Variants in TBL1XR1 observed in about 807,000 individuals in gnomAD.
TBL1XR1 encodes the protein F-box-like/WD repeat-containing protein TBL1XR1.
In TBL1XR1, 5 loss-of-function variants were observed where a neutral mutation model predicts 66.9. The observed-to-expected ratio is 0.07, with a 90% CI of 0.04 to 0.16. The LOEUF is 0.16. TBL1XR1 is among the 10% of genes least tolerant of loss of function. The probability of loss-of-function intolerance (pLI) is 1.00; values close to 1 mark genes in which losing one functional copy is unlikely to be tolerated. For synonymous variants in TBL1XR1, 210 were observed against 206.0 expected (o/e 1.02, Z -0.17); for missense variants, 238 against 623.2 (o/e 0.38, Z 6.58).
intron 1 of TBL1XR1, among the ~76,000 whole-genome samples, chr3:177,166,126 C>T (rs894753347): frequency 1.3e-5 from 2 of 152,090 alleles, no homozygotes; most frequent in Non-Finnish European, 2.9e-5. Flanking sequence ...GTGGGTCACA[C>T]CTGTAATCCC....
chr3:177,191,196 A>C (rs754688316), intron 1 of TBL1XR1, among the ~76,000 whole-genome samples: 1 of 152,224 alleles, frequency 6.6e-6, no homozygotes, highest in Non-Finnish European at 1.5e-5. Flanking sequence ...TACAAATTCA[A>C]TCCAGTTGGC....
At chr3:177,122,628 G>A (rs1038294704) in intron 1 of TBL1XR1, among the ~76,000 whole-genome samples, 2 of 152,082 alleles carry the variant, frequency 1.3e-5, no homozygotes, top group African/African-American at 2.4e-5. Flanking sequence ...TATTAAAGTC[G>A]AGTGTGAGGA....
chr3:177,056,550 G>A (rs946027180), intron 3 of TBL1XR1, among the ~76,000 whole-genome samples: 2 of 152,184 alleles, frequency 1.3e-5, no homozygotes, highest in African/African-American at 4.8e-5. Flanking sequence ...TTACCCTAGA[G>A]AAGTTCCAAA....
At chr3:177,067,027 A>G (rs1314907993) in intron 2 of TBL1XR1, among the ~76,000 whole-genome samples, 1 of 152,228 alleles carries the variant, frequency 6.6e-6, no homozygotes, top group Non-Finnish European at 1.5e-5. Flanking sequence ...GCACTGGTCT[A>G]GATGTACTAT....
At chr3:177,026,807 G>A (rs1713194091) in intron 14 of TBL1XR1, 1 of 195,588 alleles carries the variant, frequency 5.1e-6, no homozygotes, top group Admixed American at 6.1e-5. Context: ...TTTTGTTGTT[G>A]CTAAATGATA....
At chr3:177,124,424 CACT>C (rs1727358413) in intron 1 of TBL1XR1, among the ~76,000 whole-genome samples, 1 of 152,126 alleles carries the variant, frequency 6.6e-6, no homozygotes, top group Non-Finnish European at 1.5e-5. Context: ...CAATAATTGG[CACT>C]ACTTTACCAA....
chr3:177,079,734 G>T (rs1169235668), intron 2 of TBL1XR1: 1 of 150,552 alleles, frequency 6.6e-6, no homozygotes, highest in East Asian at 1.9e-4. Context: ...GGTAGAAAAG[G>T]AAAATAAGAG....
intron 1 of TBL1XR1, among the ~76,000 whole-genome samples, chr3:177,132,789 A>T (rs1728460782): frequency 6.6e-6 from 1 of 152,206 alleles, no homozygotes; most frequent in Non-Finnish European, 1.5e-5. Flanking sequence ...CAAGCAATAA[A>T]CAAATGGCAG....
intron 2 of TBL1XR1, among the ~76,000 whole-genome samples, chr3:177,072,602 G>C (rs1266770567): frequency 6.6e-6 from 1 of 152,106 alleles, no homozygotes; most frequent in Non-Finnish European, 1.5e-5. Flanking sequence ...AAGTAACAGA[G>C]TTACTTCCGT....
intron 1 of TBL1XR1, among the ~76,000 whole-genome samples, chr3:177,121,586 T>C (rs1407339047): frequency 6.6e-6 from 1 of 152,186 alleles, no homozygotes; most frequent in East Asian, 1.9e-4. Context: ...TGCATTAACG[T>C]TCTCTTTAAA....
intron 1 of TBL1XR1, among the ~76,000 whole-genome samples, chr3:177,099,042 T>C (rs1256574712): frequency 6.6e-6 from 1 of 152,312 alleles, no homozygotes; most frequent in Non-Finnish European, 1.5e-5. Flanking sequence ...GGGCACCTTA[T>C]ATTCCACAAA....
intron 1 of TBL1XR1, among the ~76,000 whole-genome samples, chr3:177,138,899 G>A (rs1486129117): frequency 6.6e-6 from 1 of 152,088 alleles, no homozygotes; most frequent in Non-Finnish European, 1.5e-5. Flanking sequence ...CTCCCTAGAA[G>A]GAGTACTGCT....
intron 7 of TBL1XR1, 119 bp downstream of exon 7, chr3:177,049,878 T>TGGG: frequency 8.8e-7 from 1 of 1,132,990 alleles, no homozygotes; most frequent in Non-Finnish European, 1.2e-6. Context: ...CCCGGTTTGT[T>TGGG]GTTACTAGTT....
Position 177,051,589 on chromosome 3 carries a change from GGCAGCTGCA to G in TBL1XR1, c.333_341del (p.Ala116_Ala118del), listed in dbSNP as rs768436772. On this transcript the variant is annotated inframe_deletion, in exon 5 of 16. Transcript: ENST00000457928. ...ATCCTTGTTGGCTGGCTGCAGCTGCGGCAGCTGCAGCAGCTGCTGCCTGTTGCTGTGCAA... is the reference window on the plus strand; with the variant it reads ...ATCCTTGTTGGCTGGCTGCAGCTGCGGCAGCTGCTGCCTGTTGCTGTGCAA... 7 of 1,612,110 alleles carry G rather than the reference GGCAGCTGCA, an allele frequency of 4.3e-6. No individual in the cohort carries two copies. The South Asian group carries it at 5.5e-5, about 13-fold the overall frequency.
chr3:177,190,611 C>G (rs1161919970), intron 1 of TBL1XR1, among the ~76,000 whole-genome samples: 2 of 152,154 alleles, frequency 1.3e-5, no homozygotes, highest in African/African-American at 4.8e-5. Context: ...GGCCACCGTA[C>G]CCAGTCAAAA....
At chr3:177,182,369 A>G (rs1734930995) in intron 1 of TBL1XR1, among the ~76,000 whole-genome samples, 1 of 152,230 alleles carries the variant, frequency 6.6e-6, no homozygotes, top group Non-Finnish European at 1.5e-5. Flanking sequence ...TGGGTGACAG[A>G]GTAAGATCCT....
chr3:177,096,570 T>G (rs1399917948), intron 2 of TBL1XR1, among the ~76,000 whole-genome samples: 1 of 152,168 alleles, frequency 6.6e-6, no homozygotes, highest in Non-Finnish European at 1.5e-5. Flanking sequence ...CTGGTTTGAC[T>G]GCCAAGGGAG....
chr3:177,136,881 A>G (rs1729057102), intron 1 of TBL1XR1, among the ~76,000 whole-genome samples: 1 of 152,306 alleles, frequency 6.6e-6, no homozygotes, highest in South Asian at 2.1e-4. Context: ...ATGCTTCACT[A>G]AAGACAATTA....
intron 1 of TBL1XR1, among the ~76,000 whole-genome samples, chr3:177,117,628 A>G (rs1268320122): frequency 2.6e-5 from 4 of 152,202 alleles, no homozygotes; most frequent in East Asian, 3.9e-4. Flanking sequence ...AAATTCTATT[A>G]ATATGCATCT....
Sources: allele counts gnomAD v4.1 joint callset (sites outside exome capture counted in the v4.1 genomes callset), GRCh38; gene constraint gnomAD v4.1.1; transcripts MANE v1.5; gene names NCBI Gene and HGNC (gene_info 2026-07-23, HGNC 2026-07-21).